Variants in KIAA1217 observed in about 807,000 individuals in gnomAD.
KIAA1217 encodes the protein KIAA1217.
A neutral mutation model predicts 163.9 loss-of-function variants in KIAA1217; 88 were observed. The observed-to-expected ratio is 0.54, with a 90% CI of 0.45 to 0.64. The LOEUF (loss-of-function observed/expected upper bound fraction) is 0.64, where lower values mean the gene tolerates loss of function less well. Ranked by LOEUF, KIAA1217 falls within the 30% of genes least tolerant of loss-of-function variation. The pLI, the probability that KIAA1217 is intolerant of heterozygous loss-of-function variation, is 0.00. For synonymous variants in KIAA1217, 903 were observed against 923.1 expected, an observed-to-expected ratio of 0.98 and a Z score of 0.39; for missense variants, 2,372 against 2,475.0, an observed-to-expected ratio of 0.96 and a Z score of 0.88.
At chr10:24,014,055 G>T (rs1343452395) in intron 2 of KIAA1217, among the ~76,000 whole-genome samples, 1 of 152,130 alleles carries the variant, frequency 6.6e-6, no homozygotes, top group Non-Finnish European at 1.5e-5. Flanking sequence ...GGCAGTAGGT[G>T]AGATACCAAC....
chr10:24,095,885 C>T (rs193111153), intron 2 of KIAA1217, among the ~76,000 whole-genome samples: 2 of 152,258 alleles, frequency 1.3e-5, no homozygotes, highest in African/African-American at 4.8e-5. Context: ...ATGGTAGGAT[C>T]GCTTGAGGTC....
intron 2 of KIAA1217, among the ~76,000 whole-genome samples, chr10:24,224,824 C>CTTTTTTTTTTTT (rs1286749568): frequency 8.3e-6 from 1 of 121,020 alleles, no homozygotes; most frequent in African/African-American, 3.2e-5. Flanking sequence ...AATCATTTGA[C>CTTTTTTTTTTTT]TTTTTTTTTT....
At chr10:24,176,211 G>T (rs1252678791) in intron 2 of KIAA1217, among the ~76,000 whole-genome samples, 1 of 152,144 alleles carries the variant, frequency 6.6e-6, no homozygotes, top group East Asian at 1.9e-4. Flanking sequence ...CAATCCTCTA[G>T]CTAGACATAA....
At position 24,472,514 on chromosome 10, in the gene KIAA1217, C is replaced by T. The variant is rs116337798; in HGVS notation, c.847-714C>T. On this transcript the variant is annotated intron_variant, in intron 5 of 20. Transcript: ENST00000376454. The stretch of plus-strand genomic sequence containing the variant: ...TAACAGTAGAAAAACGTGCTCAGGA[C>T]AAGTTTTAGAAGACTCAGCGTGAGC... Among the ~76,000 whole-genome samples, 865 of 152,274 alleles carry T rather than the reference C, an allele frequency of 5.7e-3. 10 individuals are homozygous for T. Among genetic ancestry groups the T allele is most frequent in the African/African-American group, 0.02 (816 of 41,550 alleles).
chr10:23,743,019 A>G (rs1377154828), intron 1 of KIAA1217, among the ~76,000 whole-genome samples: 1 of 152,206 alleles, frequency 6.6e-6, no homozygotes, highest in Non-Finnish European at 1.5e-5. Flanking sequence ...AGAAGGGTTG[A>G]AAGTGATGGG....
At position 24,390,475 on chromosome 10, in the gene KIAA1217, G is replaced by A. The variant is rs868782476; in HGVS notation, c.553+9408G>A. On this transcript the variant is annotated intron_variant, in intron 3 of 20. Transcript: ENST00000376454. ...GGGGAAAAAAGGAGGGAGGGAGGGA[G>A]GGAAGGAAGGAAGGAAGGAAGGAAG... Among the ~76,000 whole-genome samples the A allele has an allele frequency of 1.0e-4, 11 of 107,202 alleles. No homozygotes were observed. In the South Asian group the frequency reaches 1.1e-3, roughly 11 times the overall value. 70.3% of individuals were successfully genotyped at this position (107,202 alleles called of 152,430 possible).
At chr10:24,261,580 G>A (rs569062786) in intron 2 of KIAA1217, among the ~76,000 whole-genome samples, 2 of 152,016 alleles carry the variant, frequency 1.3e-5, no homozygotes, top group African/African-American at 4.8e-5. Flanking sequence ...ATTGGAAATA[G>A]GTCCTGAGTT....
At chr10:24,163,405 A>G (rs1432123189) in intron 2 of KIAA1217, among the ~76,000 whole-genome samples, 1 of 152,208 alleles carries the variant, frequency 6.6e-6, no homozygotes, top group Non-Finnish European at 1.5e-5. Flanking sequence ...CCATCTCTTC[A>G]TTCATATATC....
At chr10:24,515,504 G>A (rs117640435) in intron 10 of KIAA1217, among the ~76,000 whole-genome samples, 4,316 of 152,326 alleles carry the variant, frequency 0.028, 77 homozygotes, top group South Asian at 0.068. Flanking sequence ...AGAAAAGGTA[G>A]TGGAACGAAC....
chr10:23,955,816 G>A (rs16924125), intron 1 of KIAA1217, among the ~76,000 whole-genome samples: 2,946 of 152,234 alleles, frequency 0.019, 57 homozygotes, highest in Admixed American at 0.063. Flanking sequence ...TTAAGAATCC[G>A]TAGTTCCTCA....
chr10:24,395,207 C>A (rs542221864), intron 3 of KIAA1217, among the ~76,000 whole-genome samples: 1 of 152,116 alleles, frequency 6.6e-6, no homozygotes, highest in Non-Finnish European at 1.5e-5. Flanking sequence ...GAGGACCTCT[C>A]CCCCATTCTT....
At chr10:24,087,237 C>T (rs2061729701) in intron 2 of KIAA1217, among the ~76,000 whole-genome samples, 1 of 152,152 alleles carries the variant, frequency 6.6e-6, no homozygotes, top group Non-Finnish European at 1.5e-5. Context: ...AAATCCTGGC[C>T]TAATGGCAAT....
At chr10:23,845,686 C>G (rs1280439690) in intron 1 of KIAA1217, among the ~76,000 whole-genome samples, 1 of 152,148 alleles carries the variant, frequency 6.6e-6, no homozygotes, top group Non-Finnish European at 1.5e-5. Flanking sequence ...TGTAGGTTGC[C>G]TGTTCACTCT....
intron 1 of KIAA1217, among the ~76,000 whole-genome samples, chr10:23,802,726 TGTGAA>T (rs1836531027): frequency 6.6e-6 from 1 of 152,228 alleles, no homozygotes; most frequent in African/African-American, 2.4e-5. Flanking sequence ...CCAAAGGTAA[TGTGAA>T]GTCATTGGGT....
intron 2 of KIAA1217, among the ~76,000 whole-genome samples, chr10:24,296,185 C>G (rs948588690): frequency 1.5e-4 from 23 of 152,096 alleles, no homozygotes; most frequent in African/African-American, 5.6e-4. Flanking sequence ...CTCACTGCAG[C>G]CTTGACCTCC....
At chr10:23,935,082 CTATT>C (rs1024972400) in intron 1 of KIAA1217, among the ~76,000 whole-genome samples, 11 of 152,054 alleles carry the variant, frequency 7.2e-5, no homozygotes, top group Admixed American at 2.0e-4. Context: ...GGGTGCATTT[CTATT>C]TAAGATAAGT....
In KIAA1217 at chr10:23,790,277, G is replaced by GCATATACA. The variant is rs1564422444; in HGVS notation, c.-321+95048_-321+95049insACACATAT. The stretch of plus-strand genomic sequence containing the variant: ...TATGCACATATGCATATGCACATAT[G>GCATATACA]CATATGCACATATGCATATGCACAT... On this transcript the variant is annotated intron_variant, in intron 1 of 18. Coordinates refer to the KIAA1217 transcript ENST00000376462. Among the ~76,000 whole-genome samples the GCATATACA allele has an allele frequency of 4.3e-3, 412 of 95,148 alleles. 192 individuals are homozygous for GCATATACA. Among genetic ancestry groups the GCATATACA allele is most frequent in the Middle Eastern group, 0.014 (2 of 146 alleles). 62.4% of individuals were successfully genotyped at this position (95,148 alleles called of 152,430 possible).
chr10:23,855,889 G>C (rs1294368365), intron 1 of KIAA1217, among the ~76,000 whole-genome samples: 14 of 152,002 alleles, frequency 9.2e-5, no homozygotes, highest in Admixed American at 9.2e-4. Context: ...TTCTCTGATT[G>C]GTTATTCTAG....
At chr10:24,413,728 C>A (rs746188740) in intron 3 of KIAA1217, among the ~76,000 whole-genome samples, 1 of 152,192 alleles carries the variant, frequency 6.6e-6, no homozygotes, top group Non-Finnish European at 1.5e-5. Context: ...CCCTTTGCCT[C>A]CTTCCCCCAG....
Sources: gnomAD v4.1 joint callset for allele counts (sites outside exome capture counted in the v4.1 genomes callset) on GRCh38, gnomAD v4.1.1 for gene constraint, MANE v1.5 for transcripts, NCBI Gene and HGNC (gene_info 2026-07-23, HGNC 2026-07-21) for gene names.